The following DPH6 variants were observed in gnomAD, a reference collection of about 807,000 sequenced individuals.
DPH6 encodes the protein diphthamine biosynthesis 6.
Under a neutral mutation model 38.2 loss-of-function variants are expected in DPH6, and 33 were observed. The ratio of observed to expected loss-of-function variants is 0.86; its 90% CI spans 0.65 to 1.15. The LOEUF (loss-of-function observed/expected upper bound fraction) is 1.15. DPH6 is among the 50% of genes most tolerant of loss of function. DPH6 has a pLI of 0.00. For missense variants in DPH6, 325 were observed against 320.0 expected, an observed-to-expected ratio of 1.02 and a Z score of -0.12; for synonymous variants, 108 against 103.0, an observed-to-expected ratio of 1.05 and a Z score of -0.30.
intron 3 of DPH6, among the ~76,000 whole-genome samples, chr15:35,307,778 T>C (rs933790741): frequency 3.9e-5 from 6 of 152,290 alleles, no homozygotes; most frequent in Non-Finnish European, 7.4e-5. Context: ...TATGCATATA[T>C]ACAAACACAC....
chr15:35,258,510 G>A (rs183827154), intron 3 of DPH6, among the ~76,000 whole-genome samples: 1 of 152,142 alleles, frequency 6.6e-6, no homozygotes, highest in African/African-American at 2.4e-5. Flanking sequence ...TCATAAGTGA[G>A]GGAACTAAAG....
chr15:35,218,790 C>T (rs371644939), exon 4 of DPH6: 2 of 151,036 alleles, frequency 1.3e-5, no homozygotes, highest in African/African-American at 4.9e-5. Flanking sequence ...AAAATGAGAA[C>T]GTCTGGTGTT....
At chr15:35,193,265 G>A in the DPH6 span, among the ~76,000 whole-genome samples, 341 of 151,744 alleles carry the variant, frequency 2.2e-3, 1 homozygote, top group African/African-American at 7.4e-3. Context: ...CAGAGAGAGA[G>A]GGACATTAAC....
chr15:35,278,190 G>A (rs1029633933), intron 3 of DPH6, among the ~76,000 whole-genome samples: 1 of 152,162 alleles, frequency 6.6e-6, no homozygotes, highest in African/African-American at 2.4e-5. Flanking sequence ...CAGGGACCAC[G>A]CCAAGGACAC....
intron 3 of DPH6, among the ~76,000 whole-genome samples, chr15:35,495,159 C>G (rs1343956282): frequency 1.3e-5 from 2 of 152,132 alleles, no homozygotes. Flanking sequence ...TCCAGTACCT[C>G]AGATGGTGAC....
intron 3 of DPH6, among the ~76,000 whole-genome samples, chr15:35,512,082 T>C (rs1439070933): frequency 6.6e-6 from 1 of 152,180 alleles, no homozygotes; most frequent in Non-Finnish European, 1.5e-5. Context: ...GTATTTTCTA[T>C]GGGATATTAA....
intron 3 of DPH6, among the ~76,000 whole-genome samples, chr15:35,495,339 T>G (rs1165467010): frequency 6.6e-6 from 1 of 152,064 alleles, no homozygotes; most frequent in Admixed American, 6.6e-5. Context: ...GAGAAGAGGG[T>G]TATCTACAAG....
chr15:35,171,140 T>C, the DPH6 span, among the ~76,000 whole-genome samples: 1 of 152,254 alleles, frequency 6.6e-6, no homozygotes, highest in Non-Finnish European at 1.5e-5. Flanking sequence ...CAGAACTGGA[T>C]GCCACAGCTT....
chr15:35,291,575 A>G (rs2051980657), intron 3 of DPH6, among the ~76,000 whole-genome samples: 2 of 152,278 alleles, frequency 1.3e-5, no homozygotes, highest in African/African-American at 4.8e-5. Context: ...TGGATAAGAT[A>G]TTCTTATGAA....
intron 5 of DPH6, among the ~76,000 whole-genome samples, chr15:35,436,499 C>CAAAAAAAAAAAAAA (rs367633039): frequency 4.6e-5 from 1 of 21,916 alleles, no homozygotes; most frequent in African/African-American, 8.1e-5. Context: ...CAAAACAAAA[C>CAAAAAAAAAAAAAA]AAAACAAAAC....
downstream of DPH6, among the ~76,000 whole-genome samples, chr15:35,328,642 A>T (rs899019416): frequency 6.6e-6 from 1 of 152,216 alleles, no homozygotes; most frequent in African/African-American, 2.4e-5. Flanking sequence ...GAAATTATGT[A>T]AAACTAAAGA....
intron 3 of DPH6, among the ~76,000 whole-genome samples, chr15:35,311,874 C>T (rs1305956147): frequency 6.6e-6 from 1 of 152,074 alleles, no homozygotes; most frequent in Non-Finnish European, 1.5e-5. Context: ...GAAAACATTT[C>T]TGCACTGTGT....
intron 3 of DPH6, among the ~76,000 whole-genome samples, chr15:35,304,401 C>T (rs888864500): frequency 6.6e-6 from 1 of 152,076 alleles, no homozygotes; most frequent in Admixed American, 6.5e-5. Context: ...GAACATCCTT[C>T]AACAGGTGAA....
At chr15:35,353,326 T>C (rs374069102) in intron 3 of DPH6, among the ~76,000 whole-genome samples, 3,111 of 152,318 alleles carry the variant, frequency 0.02, 101 homozygotes, top group African/African-American at 0.069. Flanking sequence ...GCCATTGCTT[T>C]TGGTGTTTTA....
chr15:35,420,313 A>C (rs1266938060), intron 5 of DPH6, among the ~76,000 whole-genome samples: 2 of 152,144 alleles, frequency 1.3e-5, no homozygotes, highest in African/African-American at 4.8e-5. Context: ...CTAAGAGGGA[A>C]GTTTGTAGCA....
chr15:35,543,680 C>T (rs992476862), intron 1 of DPH6, among the ~76,000 whole-genome samples: 2 of 152,068 alleles, frequency 1.3e-5, no homozygotes, highest in African/African-American at 4.8e-5. Flanking sequence ...CCTCTTCCAC[C>T]CTCCCATCAA....
chr15:35,153,509 T>C, the DPH6 span, among the ~76,000 whole-genome samples: 135,577 of 152,112 alleles, frequency 0.89, 62,028 homozygotes, highest in Non-Finnish European at 1. Flanking sequence ...ATTAGGACTT[T>C]AGGAACTTAG....
intron 3 of DPH6, among the ~76,000 whole-genome samples, chr15:35,365,601 C>T (rs73376769): frequency 0.03 from 4,492 of 152,098 alleles, 221 homozygotes; most frequent in African/African-American, 0.1. Context: ...AGTTTGGAAG[C>T]ATTGATTGTT....
chr15:35,436,855 C>G (rs759526598), intron 5 of DPH6, among the ~76,000 whole-genome samples: 1 of 151,316 alleles, frequency 6.6e-6, no homozygotes, highest in Non-Finnish European at 1.5e-5. Context: ...GCCAGGACAC[C>G]CTTTTCTCTC....
Sources: gnomAD v4.1 joint callset for allele counts (sites outside exome capture counted in the v4.1 genomes callset) on GRCh38, gnomAD v4.1.1 for gene constraint, MANE v1.5 for transcripts, NCBI Gene and HGNC (gene_info 2026-07-23, HGNC 2026-07-21) for gene names.